The following PPP1R12B variants were observed in gnomAD, a reference collection of about 807,000 sequenced individuals.
PPP1R12B encodes the protein protein phosphatase 1 regulatory subunit 12B.
In PPP1R12B, 76 loss-of-function variants were observed where a neutral mutation model predicts 126.1. That is an observed-to-expected ratio of 0.60 (90% CI 0.50 to 0.73). PPP1R12B has a LOEUF of 0.73. PPP1R12B is among the 30% of genes least tolerant of loss of function. PPP1R12B has a pLI of 0.00. For synonymous variants in PPP1R12B, 356 were observed against 434.7 expected, an observed-to-expected ratio of 0.82 and a Z score of 2.25; for missense variants, 1,052 against 1,205.1, an observed-to-expected ratio of 0.87 and a Z score of 1.88.
intron 18 of PPP1R12B, among the ~76,000 whole-genome samples, chr1:202,530,494 G>T (rs1157435713): frequency 6.6e-6 from 1 of 152,100 alleles, no homozygotes; most frequent in Non-Finnish European, 1.5e-5. Context: ...AAATTTAATT[G>T]CAAAATACTA....
intron 1 of PPP1R12B, among the ~76,000 whole-genome samples, chr1:202,354,711 G>A (rs1261690102): frequency 6.6e-6 from 1 of 150,668 alleles, no homozygotes; most frequent in Non-Finnish European, 1.5e-5. Flanking sequence ...TGCAGTGCAC[G>A]ATCTCGACTC....
At chr1:202,531,277 A>G (rs1279545174) in intron 18 of PPP1R12B, among the ~76,000 whole-genome samples, 1 of 152,250 alleles carries the variant, frequency 6.6e-6, no homozygotes. Context: ...ACTATCTTCC[A>G]ACTTGGCTGT....
At position 202,449,097 on chromosome 1, in the gene PPP1R12B, C is replaced by A. The variant is rs767186890; in HGVS notation, c.1776C>A (p.Ala592=). The change falls in exon 13 of 24, where the codon GCC becomes GCA. Residue 592 remains alanine (A), a synonymous_variant. Coordinates refer to ENST00000608999, the MANE Select transcript of PPP1R12B (RefSeq NM_002481.4). ...CCAATCGCCCTCTTCCTAGCACTGC[C>A]AATGGGGTTACAGCTACTCCTGTGC... The part of the protein sequence containing the change: ...VITNRPLPST[A]NGVTATPVLS... 3.1e-6 allele frequency: 5 copies of A among 1,613,860 alleles called. No individual in the cohort carries two copies. The highest frequency in any genetic ancestry group is 3.4e-6 in the Non-Finnish European group (4 of 1,179,840).
chr1:202,393,918 A>T (rs1371098062), intron 1 of PPP1R12B, among the ~76,000 whole-genome samples: 3 of 152,204 alleles, frequency 2.0e-5, no homozygotes, highest in African/African-American at 4.8e-5. Flanking sequence ...AATAAATAAA[A>T]AACAAAAGAG....
chr1:202,502,405 G>A, intron 18 of PPP1R12B: 3 of 983,926 alleles, frequency 3.0e-6, no homozygotes, highest in Non-Finnish European at 3.6e-6. Flanking sequence ...AACTTTAACA[G>A]AAAATAAATG....
At chr1:202,491,935 T>G (rs961086420) in intron 14 of PPP1R12B, among the ~76,000 whole-genome samples, 1 of 152,212 alleles carries the variant, frequency 6.6e-6, no homozygotes, top group African/African-American at 2.4e-5. Context: ...CCTGCTTTCC[T>G]AAAATCACCT....
chr1:202,529,417 C>A (rs1683702208), intron 18 of PPP1R12B, among the ~76,000 whole-genome samples: 1 of 151,872 alleles, frequency 6.6e-6, no homozygotes, highest in African/African-American at 2.4e-5. Flanking sequence ...ACTATGAAGA[C>A]TAGTTGAAAT....
At chr1:202,569,719 T>C (rs967239447) in intron 23 of PPP1R12B, among the ~76,000 whole-genome samples, 3 of 152,206 alleles carry the variant, frequency 2.0e-5, no homozygotes, top group Admixed American at 6.5e-5. Context: ...ACATTAACTC[T>C]GAAATATTCA....
chr1:202,445,047 G>T (rs1672070742), intron 12 of PPP1R12B: 1 of 1,247,260 alleles, frequency 8.0e-7, no homozygotes, highest in East Asian at 3.2e-5. Context: ...GTTTTGCAGT[G>T]CTTCATTTGG....
rs1672071861 is a variant in PPP1R12B, at chr1:202,445,063, G to A, written c.1667+2491G>A. ...TTTTGCAGTGCTTCATTTGGTAGAAGTAGTGACCCCACAAGTCCCTACATT... is the reference window on the plus strand; with the variant it reads ...TTTTGCAGTGCTTCATTTGGTAGAAATAGTGACCCCACAAGTCCCTACATT... On this transcript the variant is annotated intron_variant, in intron 12 of 23. Transcript: ENST00000608999. The A allele has an allele frequency of 4.0e-6, 5 of 1,247,306 alleles. No homozygotes were observed. The East Asian group carries it at 1.3e-4, about 31-fold the overall frequency. The allele number at this position is 1,247,306 out of a possible 1,614,324, so 77.3% of individuals were successfully genotyped here.
In PPP1R12B at chr1:202,436,378, A is replaced by C. The variant is rs533947403; in HGVS notation, c.1255-1443A>C. Among the ~76,000 whole-genome samples, 14 of 152,338 alleles carry C rather than the reference A, an allele frequency of 9.2e-5. No homozygotes were observed. In the South Asian group the frequency reaches 2.9e-3, roughly 32 times the overall value. ...TCAGAGTAGCTTGTAAAAAGCTGAC[A>C]TTATTGAACCCCTAAAGCTGGAAGG... On this transcript the variant is annotated intron_variant, in intron 9 of 23. Transcript: ENST00000608999.
intron 10 of PPP1R12B, chr1:202,438,393 G>A (rs572813713): frequency 2.6e-4 from 166 of 643,240 alleles, no homozygotes; most frequent in African/African-American, 2.3e-3. Flanking sequence ...TCCCCCCAGC[G>A]GCATGGCTTC....
At chr1:202,514,402 C>A (rs774853445) in intron 18 of PPP1R12B, among the ~76,000 whole-genome samples, 1 of 152,132 alleles carries the variant, frequency 6.6e-6, no homozygotes, top group Non-Finnish European at 1.5e-5. Context: ...TTGATAGTTT[C>A]TTTTGCTGTG....
intron 1 of PPP1R12B, among the ~76,000 whole-genome samples, chr1:202,353,886 T>C (rs778211473): frequency 6.6e-6 from 1 of 152,022 alleles, no homozygotes; most frequent in Non-Finnish European, 1.5e-5. Flanking sequence ...GTGCTCGGAT[T>C]ACAAGTAGGA....
At chr1:202,369,525 A>G (rs1388670871) in intron 1 of PPP1R12B, 1 of 154,648 alleles carries the variant, frequency 6.5e-6, no homozygotes, top group Non-Finnish European at 1.4e-5. Context: ...GTGGTCAATT[A>G]TTACTGATTA....
At chr1:202,362,564 GCAC>G (rs1658397397) in intron 1 of PPP1R12B, among the ~76,000 whole-genome samples, 3 of 151,832 alleles carry the variant, frequency 2.0e-5, no homozygotes, top group Non-Finnish European at 2.9e-5. Flanking sequence ...TTTATCATTG[GCAC>G]CAGTTTTCAG....
intron 1 of PPP1R12B, among the ~76,000 whole-genome samples, chr1:202,353,451 G>A (rs1656399258): frequency 6.6e-6 from 1 of 150,530 alleles, no homozygotes; most frequent in African/African-American, 2.4e-5. Context: ...TGCTTAATAT[G>A]TTGCATCAGA....
chr1:202,386,231 CAA>C lies in PPP1R12B; in HGVS notation c.292-30555_292-30554del, dbSNP rs373302197. Among the ~76,000 whole-genome samples the C allele has an allele frequency of 7.5e-4, 114 of 152,024 alleles. No individual in the cohort carries two copies. In the South Asian group the frequency reaches 0.011, roughly 14 times the overall value. On this transcript the variant is annotated intron_variant, in intron 1 of 23. Transcript: ENST00000608999. Reference sequence around the variant, plus strand: ...GCGTGAGCCACCGCACCCAGCCACTCAAGAGCTATTTTTCTATAGTAAAAAAT... The same window carrying C: ...GCGTGAGCCACCGCACCCAGCCACTCGAGCTATTTTTCTATAGTAAAAAAT...
rs565114823 is a variant in PPP1R12B at position 202,561,834 on chromosome 1, C to T, written c.2508-944C>T. ...TCTCTGTGTCATCCTTATTGCTTCT[C>T]TATCTCTTCTAATACTTATTTCAGC... is the stretch of plus-strand genomic sequence containing the variant. On this transcript the variant is annotated intron_variant, in intron 19 of 23. Transcript: ENST00000608999. Among the ~76,000 whole-genome samples, 260 of 152,300 alleles carry T rather than the reference C, an allele frequency of 1.7e-3. 9 individuals are homozygous for T. In the South Asian group the frequency reaches 0.053, roughly 31 times the overall value.
Sources: gnomAD v4.1 joint callset for allele counts (sites outside exome capture counted in the v4.1 genomes callset) on GRCh38, gnomAD v4.1.1 for gene constraint, MANE v1.5 for transcripts, NCBI Gene and HGNC (gene_info 2026-07-23, HGNC 2026-07-21) for gene names.